MSR1: variants seen among roughly 807,000 people sequenced by gnomAD.
The protein encoded by MSR1 is macrophage scavenger receptor 1.
In MSR1, 53 loss-of-function variants were observed where a neutral mutation model predicts 47.2. The observed-to-expected ratio is 1.12, with a 90% CI of 0.90 to 1.41. The LOEUF (loss-of-function observed/expected upper bound fraction) is 1.41, where lower values mean the gene tolerates loss of function less well. MSR1 is among the 40% of genes most tolerant of loss of function. The pLI, the probability that MSR1 is intolerant of heterozygous loss-of-function variation, is 0.00. For missense variants in MSR1, 786 were observed against 546.9 expected (o/e 1.44, Z -4.36); for synonymous variants, 239 against 185.6 (o/e 1.29, Z -2.34).
chr8:16,123,018 G>C (rs982407674), intron 8 of MSR1, among the ~76,000 whole-genome samples: 2 of 151,588 alleles, frequency 1.3e-5, no homozygotes, highest in African/African-American at 4.8e-5. Context: ...CTAATTTTTT[G>C]TATTTTTTAG....
chr8:16,116,054 T>G (rs952212777), intron 9 of MSR1, among the ~76,000 whole-genome samples: 2 of 152,184 alleles, frequency 1.3e-5, no homozygotes, highest in African/African-American at 4.8e-5. Context: ...ATATCACTGA[T>G]GTCAATATAC....
chr8:16,182,062 C>T (rs1563170824), intron 1 of MSR1, among the ~76,000 whole-genome samples: 1 of 152,174 alleles, frequency 6.6e-6, no homozygotes, highest in African/African-American at 2.4e-5. Context: ...TGCTAGGCAA[C>T]AAACCCACCC....
chr8:16,150,637 G>A (rs1022595728), intron 6 of MSR1, among the ~76,000 whole-genome samples: 9 of 152,020 alleles, frequency 5.9e-5, no homozygotes, highest in Non-Finnish European at 1.2e-4. Context: ...GCAGGATCTT[G>A]CTGTAGCTGA....
In MSR1 at chr8:16,109,906, A is replaced by G; in HGVS notation, c.*179T>C. 1 of 695,792 alleles carries G rather than the reference A, an allele frequency of 1.4e-6. No homozygotes were observed. The highest frequency in any genetic ancestry group is 2.3e-6 in the Non-Finnish European group (1 of 426,326). 43.1% of individuals were successfully genotyped at this position (695,792 alleles called of 1,614,324 possible). A position where few individuals can be genotyped will look rare whatever the true frequency, so the allele number is the denominator to read the frequency against. ...AAACCTATAGAAGTTAAAATGATTT[A>G]AATATAGACATAAAATAGTAAGCAT... On this transcript the variant is annotated 3_prime_UTR_variant, in exon 10 of 10. Coordinates refer to ENST00000262101, the MANE Select transcript of MSR1 (RefSeq NM_138715.3).
intron 7 of MSR1, among the ~76,000 whole-genome samples, chr8:16,148,078 T>C (rs1024800960): frequency 2.0e-5 from 3 of 152,184 alleles, no homozygotes; most frequent in African/African-American, 7.2e-5. Context: ...TCTAGGCCTC[T>C]TTTAGTCCAG....
intron 8 of MSR1, 51 bp from the exon 9 acceptor site, chr8:16,120,657 A>C: frequency 6.5e-7 from 1 of 1,528,308 alleles, no homozygotes; most frequent in Non-Finnish European, 8.7e-7. Flanking sequence ...GCAAGGACTA[A>C]TTATGTACAT....
At chr8:16,154,097 G>C (rs919939450) in intron 6 of MSR1, among the ~76,000 whole-genome samples, 2 of 151,510 alleles carry the variant, frequency 1.3e-5, no homozygotes, top group Admixed American at 6.6e-5. Context: ...TATGTGCTTA[G>C]GCAGGTATCA....
intron 6 of MSR1, among the ~76,000 whole-genome samples, chr8:16,153,353 G>A (rs907576186): frequency 1.3e-5 from 2 of 151,918 alleles, no homozygotes; most frequent in African/African-American, 4.8e-5. Context: ...AAAGATGCCT[G>A]GTATTTTGAA....
intron 1 of MSR1, among the ~76,000 whole-genome samples, chr8:16,178,350 C>G (rs560465652): frequency 2.0e-5 from 3 of 150,236 alleles, no homozygotes; most frequent in Admixed American, 6.7e-5. Flanking sequence ...TGAGAACATG[C>G]GGTGTTTGGG....
intron 9 of MSR1, among the ~76,000 whole-genome samples, chr8:16,116,471 C>A (rs1450631175): frequency 6.6e-6 from 1 of 152,070 alleles, no homozygotes; most frequent in African/African-American, 2.4e-5. Context: ...CTACCATAAA[C>A]AAACAGCCTC....
intron 6 of MSR1, among the ~76,000 whole-genome samples, chr8:16,150,521 A>G (rs1800826574): frequency 6.6e-6 from 1 of 152,124 alleles, no homozygotes; most frequent in Non-Finnish European, 1.5e-5. Context: ...CATTGTAGCT[A>G]TTCAATAAAT....
At chr8:16,113,926 C>G (rs905365224) in intron 9 of MSR1, among the ~76,000 whole-genome samples, 7 of 113,610 alleles carry the variant, frequency 6.2e-5, no homozygotes, top group Admixed American at 1.4e-4. Flanking sequence ...ACCATAATGA[C>G]TACGTAAATT....
At chr8:16,164,918 C>T (rs954239097) in intron 4 of MSR1, among the ~76,000 whole-genome samples, 1 of 151,800 alleles carries the variant, frequency 6.6e-6, no homozygotes, top group Admixed American at 6.6e-5. Flanking sequence ...CTGGAATATG[C>T]TTTTATATTT....
chr8:16,140,429 A>T, intron 8 of MSR1: 1 of 985,726 alleles, frequency 1.0e-6, no homozygotes, highest in Non-Finnish European at 1.2e-6. Context: ...TCATTGTATG[A>T]GTTTTAGATG....
intron 1 of MSR1, among the ~76,000 whole-genome samples, chr8:16,185,378 C>T (rs763228603): frequency 1.3e-5 from 2 of 152,082 alleles, no homozygotes; most frequent in African/African-American, 4.8e-5. Flanking sequence ...TAGCTACAAA[C>T]GTGGATTTTC....
chr8:16,165,380 G>C (rs2117172790), intron 4 of MSR1, among the ~76,000 whole-genome samples: 1 of 152,062 alleles, frequency 6.6e-6, no homozygotes, highest in East Asian at 1.9e-4. Flanking sequence ...TGAGGTTAAA[G>C]TATCCAGTCA....
intron 8 of MSR1, among the ~76,000 whole-genome samples, chr8:16,134,582 A>G (rs1381939919): frequency 6.6e-5 from 10 of 152,124 alleles, no homozygotes; most frequent in Admixed American, 6.6e-4. Flanking sequence ...AGACACAGCA[A>G]TATTGAAATT....
At chr8:16,157,702 T>C (rs1801049129) in intron 5 of MSR1, among the ~76,000 whole-genome samples, 1 of 151,832 alleles carries the variant, frequency 6.6e-6, no homozygotes, top group Admixed American at 6.6e-5. Flanking sequence ...ATGCAGAACT[T>C]TTAAGAACAC....
Position 16,110,121 on chromosome 8 carries a change from T to C in MSR1, c.1320A>G (p.Ser440=). The C allele has an allele frequency of 6.2e-7, 1 of 1,613,726 alleles. No homozygotes were observed. Among genetic ancestry groups the C allele is most frequent in the South Asian group, 1.1e-5 (1 of 91,070 alleles). Reference sequence around the variant, plus strand: ...AAGTGACTCCAGCATCTTCAGAATGTGAACAGGCTCTTGTCCCCCATTGCC... The same window carrying C: ...AAGTGACTCCAGCATCTTCAGAATGCGAACAGGCTCTTGTCCCCCATTGCC... ...KIRQWGTRAC[S]HSEDAGVTCT... is the part of the protein sequence containing the mutation. The change falls in exon 10 of 10, where the codon TCA becomes TCG. Residue 440 remains serine, a synonymous_variant. Coordinates refer to ENST00000262101, the MANE Select transcript of MSR1 (RefSeq NM_138715.3).
Sources: allele counts gnomAD v4.1 joint callset (sites outside exome capture counted in the v4.1 genomes callset), GRCh38; gene constraint gnomAD v4.1.1; transcripts MANE v1.5; gene names NCBI Gene and HGNC (gene_info 2026-07-23, HGNC 2026-07-21).